TUBB8: variants seen among roughly 807,000 people sequenced by gnomAD.
The protein encoded by TUBB8 is tubulin beta-8 chain.
In TUBB8, 25 loss-of-function variants were observed where a neutral mutation model predicts 33.7. The observed-to-expected ratio is 0.74, with a 90% CI of 0.54 to 1.04. TUBB8 has a LOEUF of 1.04. TUBB8 is among the 50% of genes least tolerant of loss of function. TUBB8 has a pLI of 0.00. For synonymous variants in TUBB8, 245 were observed against 240.1 expected, an observed-to-expected ratio of 1.02 and a Z score of -0.19; for missense variants, 279 against 608.0, an observed-to-expected ratio of 0.46 and a Z score of 5.69.
At chr10:69,502 G>A (rs1366315624) in intron 1 of TUBB8, among the ~76,000 whole-genome samples, 5 of 152,154 alleles carry the variant, frequency 3.3e-5, no homozygotes, top group Non-Finnish European at 5.9e-5. Context: ...AGAATCACCC[G>A]CAATTTGTAG....
upstream of TUBB8, among the ~76,000 whole-genome samples, chr10:52,243 C>A (rs1284013076): frequency 6.6e-6 from 1 of 152,184 alleles, no homozygotes; most frequent in Non-Finnish European, 1.5e-5. Flanking sequence ...TGAATGGCTT[C>A]ATGACCCTAA....
At chr10:49,906 C>A, upstream of TUBB8, 1 of 181,652 alleles carries the variant, frequency 5.5e-6, no homozygotes, top group Non-Finnish European at 1.2e-5. Context: ...TTGGGATACG[C>A]CTGCTGTGAA....
chr10:47,469 C>A lies in TUBB8; in HGVS notation c.923G>T (p.Gly308Val). Residue 308 changes from glycine (G) to valine (V), a missense_variant, in exon 4 of 4, where the codon GGC becomes GTC. Gly to Val is a moderately radical substitution (Grantham distance 109). This residue lies in a region of TUBB8 where 123 missense variants were observed against 228.9 expected (regional missense o/e 0.54). Coordinates refer to ENST00000568584, the MANE Select transcript of TUBB8 (RefSeq NM_177987.3). ...AATGGCAGCCGCCGTTAGGTAGCGGCCGTGACGGGGGTCACAGGCAGCCAT... is the reference window on the plus strand; with the variant it reads ...AATGGCAGCCGCCGTTAGGTAGCGGACGTGACGGGGGTCACAGGCAGCCAT... ...NMMAACDPRHGRYLTAAAIFR... is the reference protein window; with the variant it reads ...NMMAACDPRHVRYLTAAAIFR... 6.2e-7 allele frequency: 1 copy of A among 1,612,318 alleles called. No homozygotes were observed. Among genetic ancestry groups the A allele is most frequent in the South Asian group, 1.1e-5 (1 of 90,996 alleles).
upstream of TUBB8, among the ~76,000 whole-genome samples, chr10:54,097 T>C (rs1211675627): frequency 6.6e-6 from 1 of 152,204 alleles, no homozygotes; most frequent in Non-Finnish European, 1.5e-5. Context: ...TTTTTTACCA[T>C]AATCACCCTG....
At chr10:58,479 G>A (rs1403075244) in intron 1 of TUBB8, among the ~76,000 whole-genome samples, 1 of 152,198 alleles carries the variant, frequency 6.6e-6, no homozygotes, top group African/African-American at 2.4e-5. Context: ...TTAAAAAGGA[G>A]GTTTAAGTGG....
At chr10:69,085 A>T (rs1283812656) in intron 1 of TUBB8, among the ~76,000 whole-genome samples, 1 of 152,244 alleles carries the variant, frequency 6.6e-6, no homozygotes, top group Non-Finnish European at 1.5e-5. Context: ...TCTCAACTGT[A>T]AAATGGCAAA....
In TUBB8 at chr10:48,735, G is replaced by A. The variant is rs1834410726; in HGVS notation, c.167-10C>T. The A allele has an allele frequency of 2.5e-6, 4 of 1,609,164 alleles. No individual in the cohort carries two copies. The highest frequency in any genetic ancestry group is 3.3e-5 in the Admixed American group (2 of 59,986). On this transcript the variant is annotated splice_polypyrimidine_tract_variant and intron_variant, in intron 2 of 3. Coordinates refer to ENST00000568584, the MANE Select transcript of TUBB8 (RefSeq NM_177987.3). Reference sequence around the variant, plus strand: ...GGCACGTACCTGCCACCTGCGTGGGGCGGGAGGGCATGAGCGAGGGGAGGG... The same window carrying A: ...GGCACGTACCTGCCACCTGCGTGGGACGGGAGGGCATGAGCGAGGGGAGGG...
At chr10:51,179 G>C (rs568652562), upstream of TUBB8, among the ~76,000 whole-genome samples, 1 of 152,258 alleles carries the variant, frequency 6.6e-6, no homozygotes, top group African/African-American at 2.4e-5. Context: ...CTGTTGCTCA[G>C]GCTGGAGTGC....
At chr10:57,461 G>C (rs1370907348) in intron 1 of TUBB8, among the ~76,000 whole-genome samples, 3 of 152,218 alleles carry the variant, frequency 2.0e-5, no homozygotes, top group African/African-American at 7.2e-5. Flanking sequence ...GCACACCCTG[G>C]CTTTTTTATA....
chr10:59,877 A>C (rs1834575914), intron 1 of TUBB8, among the ~76,000 whole-genome samples: 1 of 152,166 alleles, frequency 6.6e-6, no homozygotes, highest in Non-Finnish European at 1.5e-5. Flanking sequence ...TGTGTCTAAG[A>C]ATTAATTTCC....
chr10:75,181 C>A (rs1471101006), upstream of TUBB8, among the ~76,000 whole-genome samples: 4 of 60,252 alleles, frequency 6.6e-5, no homozygotes, highest in East Asian at 2.6e-4. Context: ...CCGCGCCCAG[C>A]CAAATTTTTT....
chr10:72,937 T>G (rs1209895550), intron 1 of TUBB8, among the ~76,000 whole-genome samples: 2 of 151,750 alleles, frequency 1.3e-5, no homozygotes, highest in African/African-American at 4.9e-5. Context: ...TTAAATAACC[T>G]TAACGAAATC....
chr10:75,617 T>C (rs1381338376), upstream of TUBB8, among the ~76,000 whole-genome samples: 2 of 137,218 alleles, frequency 1.5e-5, no homozygotes, highest in African/African-American at 5.6e-5. Context: ...ATCGCACCAC[T>C]GCACTCCAGC....
In TUBB8 at chr10:48,205, T is replaced by A. The variant is rs1834393482; in HGVS notation, c.278-91A>T. Reference sequence around the variant, plus strand: ...TGCAGAAAGAGCCAAGCGTCACACGTGAGGTGAGAGCACCGTTCGCCCTGC... The same window carrying A: ...TGCAGAAAGAGCCAAGCGTCACACGAGAGGTGAGAGCACCGTTCGCCCTGC... On this transcript the variant is annotated intron_variant, in intron 3 of 3. Transcript: ENST00000568584. The A allele has an allele frequency of 3.9e-6, 4 of 1,037,250 alleles. No homozygotes were observed. The South Asian group carries it at 5.3e-5, about 14-fold the overall frequency. The allele number at this position is 1,037,250 out of a possible 1,614,324, so 64.3% of individuals were successfully genotyped here. A position where few individuals can be genotyped will look rare whatever the true frequency, so the allele number is the denominator to read the frequency against.
chr10:47,960 C>T lies in TUBB8; in HGVS notation c.432G>A (p.Gly144=). The change falls in exon 4 of 4, where the codon GGG becomes GGA. Residue 144 remains glycine (G), a synonymous_variant. Transcript: ENST00000568584. ...QLTHSLGGGT[G]SGMGTLLLSK... is the part of the protein sequence containing the mutation. ...TGAGCAGAAGGGTACCCATCCCAGACCCAGTCCCCCCACCCAGGGAGTGGG... is the reference window on the plus strand; with the variant it reads ...TGAGCAGAAGGGTACCCATCCCAGATCCAGTCCCCCCACCCAGGGAGTGGG... 6.2e-7 allele frequency: 1 copy of T among 1,614,142 alleles called. No individual in the cohort carries two copies. The highest frequency in any genetic ancestry group is 8.5e-7 in the Non-Finnish European group (1 of 1,180,050).
upstream of TUBB8, among the ~76,000 whole-genome samples, chr10:50,522 A>C (rs1350586204): frequency 6.6e-6 from 1 of 152,048 alleles, no homozygotes; most frequent in Non-Finnish European, 1.5e-5. Flanking sequence ...TTCCTTTTAC[A>C]TGGTCAGTCT....
intron 1 of TUBB8, among the ~76,000 whole-genome samples, chr10:64,962 C>A (rs1365144732): frequency 1.7e-5 from 2 of 116,954 alleles, no homozygotes; most frequent in African/African-American, 3.1e-5. Context: ...CATGAGGAAA[C>A]CCCCATCTCC....
chr10:54,741 A>G (rs1554739974), intron 1 of TUBB8, among the ~76,000 whole-genome samples: 2 of 152,190 alleles, frequency 1.3e-5, no homozygotes, highest in Non-Finnish European at 2.9e-5. Context: ...CTGCTATAAA[A>G]AAACTGAGAC....
intron 1 of TUBB8, among the ~76,000 whole-genome samples, chr10:54,827 C>T (rs1258852151): frequency 2.2e-4 from 34 of 152,218 alleles, no homozygotes; most frequent in Non-Finnish European, 1.2e-4. Flanking sequence ...GGTATGATCT[C>T]GGTTCACTGC....
Sources: allele counts gnomAD v4.1 joint callset (sites outside exome capture counted in the v4.1 genomes callset), GRCh38; gene constraint gnomAD v4.1.1; regional missense constraint gnomAD v4.1.1; transcripts MANE v1.5; gene names NCBI Gene and HGNC (gene_info 2026-07-23, HGNC 2026-07-21).